PRR23E: variants seen among roughly 807,000 people sequenced by gnomAD.
PRR23E encodes the protein proline-rich protein 23E.
At chr3:127,197,603 T>A in the PRR23E span, 1 of 465,640 alleles carries the variant, frequency 2.1e-6, no homozygotes, top group African/African-American at 2.0e-5. Context: ...GTTTTTCTGT[T>A]TGCCCTTCAA....
chr3:127,194,570 A>G, the PRR23E span, among the ~76,000 whole-genome samples: 2 of 152,192 alleles, frequency 1.3e-5, no homozygotes, highest in Admixed American at 6.5e-5. Flanking sequence ...TTTCCTCCTC[A>G]GTATGGGTAA....
the PRR23E span, chr3:127,197,199 G>C: frequency 1.3e-6 from 2 of 1,595,554 alleles, no homozygotes; most frequent in Non-Finnish European, 1.7e-6. Context: ...TGCCGTAGAG[G>C]GGCCATCCAG....
the PRR23E span, chr3:127,197,393 C>A: frequency 7.1e-6 from 11 of 1,558,984 alleles, no homozygotes; most frequent in Non-Finnish European, 8.6e-6. Context: ...GCAGGGCCCG[C>A]CGCCGCCTCT....
chr3:127,197,169 GCCAGCTCAGCC>G, the PRR23E span: 2 of 1,591,178 alleles, frequency 1.3e-6, no homozygotes, highest in Non-Finnish European at 8.5e-7. Context: ...CTGGACTCCA[GCCAGCTCAGCC>G]CCCAGGGCTG....
At chr3:127,197,763 T>G in the PRR23E span, 2 of 175,302 alleles carry the variant, frequency 1.1e-5, no homozygotes, top group Non-Finnish European at 2.4e-5. Context: ...TCAGTTAGAA[T>G]AGGCCTCCAG....
the PRR23E span, chr3:127,196,767 C>T: frequency 6.3e-7 from 1 of 1,596,648 alleles, no homozygotes. Flanking sequence ...CCACGGGACT[C>T]TGGCAGCCTC....
At chr3:127,197,187 G>A in the PRR23E span, 31 of 1,592,832 alleles carry the variant, frequency 1.9e-5, no homozygotes, top group Admixed American at 2.7e-4. Flanking sequence ...AGCCCCCAGG[G>A]CTGCCGTAGA....
chr3:127,197,149 A>G, the PRR23E span: 2 of 1,594,336 alleles, frequency 1.3e-6, no homozygotes, highest in African/African-American at 2.7e-5. Context: ...CACTGTCCCC[A>G]GGTGGGATGC....
chr3:127,196,933 A>G, the PRR23E span: 19 of 1,599,272 alleles, frequency 1.2e-5, no homozygotes, highest in Non-Finnish European at 1.5e-5. Context: ...TGGGTGCTCT[A>G]TGGTGGGTAT....
chr3:127,193,501 C>G, the PRR23E span, among the ~76,000 whole-genome samples: 2 of 152,062 alleles, frequency 1.3e-5, no homozygotes, highest in Non-Finnish European at 2.9e-5. Context: ...CAGCCTGTTC[C>G]CTCAGCCCCA....
chr3:127,195,432 G>A, the PRR23E span, among the ~76,000 whole-genome samples: 4 of 152,088 alleles, frequency 2.6e-5, no homozygotes, highest in Middle Eastern at 3.2e-3. Context: ...GCACCTTCGT[G>A]ATCTGACTTC....
chr3:127,198,039 G>A, the PRR23E span: 2 of 152,332 alleles, frequency 1.3e-5, no homozygotes, highest in South Asian at 2.1e-4. Flanking sequence ...ATGCTGACTC[G>A]TTCAGAGCGC....
At chr3:127,197,454 A>C in the PRR23E span, 1 of 1,458,266 alleles carries the variant, frequency 6.9e-7, no homozygotes. Flanking sequence ...AATCAGAGAC[A>C]TGTCTGGTGG....
At chr3:127,196,576 C>T in the PRR23E span, 1 of 1,437,054 alleles carries the variant, frequency 7.0e-7, no homozygotes, top group Non-Finnish European at 9.1e-7. Context: ...GACTGGCTGT[C>T]TGCTCACCCC....
chr3:127,195,736 T>C, the PRR23E span, among the ~76,000 whole-genome samples: 1 of 152,164 alleles, frequency 6.6e-6, no homozygotes, highest in Non-Finnish European at 1.5e-5. Flanking sequence ...CTCCGCTCCT[T>C]GATGCTGGGG....
the PRR23E span, among the ~76,000 whole-genome samples, chr3:127,194,289 G>C: frequency 6.6e-6 from 1 of 151,734 alleles, no homozygotes; most frequent in Non-Finnish European, 1.5e-5. Flanking sequence ...AATTGTCTTG[G>C]GCCACACATA....
At chr3:127,197,626 C>A in the PRR23E span, 1 of 431,446 alleles carries the variant, frequency 2.3e-6, no homozygotes, top group African/African-American at 2.0e-5. Flanking sequence ...CTGATACTGG[C>A]ACCTTTTCTC....
At chr3:127,196,971 G>A in the PRR23E span, 3 of 1,599,306 alleles carry the variant, frequency 1.9e-6, no homozygotes, top group Admixed American at 5.0e-5. Context: ...CCCTCCAGCT[G>A]CCTTGGTGCC....
the PRR23E span, among the ~76,000 whole-genome samples, chr3:127,194,648 C>T: frequency 2.0e-5 from 3 of 152,162 alleles, no homozygotes; most frequent in African/African-American, 7.2e-5. Flanking sequence ...GGAGTTGGCT[C>T]CTGCAGTCTG....
Sources: allele counts gnomAD v4.1 joint callset (sites outside exome capture counted in the v4.1 genomes callset), GRCh38; gene constraint gnomAD v4.1.1; transcripts MANE v1.5; gene names NCBI Gene and HGNC (gene_info 2026-07-23, HGNC 2026-07-21).